C16orf87: variants seen among roughly 807,000 people sequenced by gnomAD.
C16orf87 encodes the protein HDAC and MIER1 interacting protein 1.
In C16orf87, 13 loss-of-function variants were observed where a neutral mutation model predicts 21.0. That is an observed-to-expected ratio of 0.62 (90% CI 0.40 to 0.98). C16orf87 has a LOEUF of 0.98. Among genes scored for constraint, C16orf87 ranks in the 50% least tolerant of loss-of-function variants. The pLI is 0.00. For missense variants in C16orf87, 113 were observed against 180.4 expected (o/e 0.63, Z 2.14); for synonymous variants, 49 against 60.2 (o/e 0.81, Z 0.86).
chr16:46,818,246 A>G (rs1959274910), intron 2 of C16orf87, among the ~76,000 whole-genome samples: 1 of 152,212 alleles, frequency 6.6e-6, no homozygotes, highest in Non-Finnish European at 1.5e-5. Flanking sequence ...AGAGTTGAGG[A>G]CCACTTATAC....
intron 2 of C16orf87, among the ~76,000 whole-genome samples, chr16:46,818,096 G>C (rs1471728326): frequency 1.3e-5 from 2 of 152,036 alleles, no homozygotes; most frequent in South Asian, 2.1e-4. Flanking sequence ...GGTTGATCTT[G>C]AACTCCTGAC....
chr16:46,801,537 A>G lies in C16orf87; in HGVS notation c.*1415T>C, dbSNP rs1366276500. On this transcript the variant is annotated 3_prime_UTR_variant, in exon 4 of 4. Coordinates refer to ENST00000285697, the MANE Select transcript of C16orf87 (RefSeq NM_001001436.4). ...TCTGTCTCCTAAATAAATAAATAAA[A>G]TGCATACAAAATAGTTGCAGTAGTA... The G allele has an allele frequency of 6.6e-6, 1 of 152,168 alleles. No homozygotes were observed. Among genetic ancestry groups the G allele is most frequent in the East Asian group, 1.9e-4 (1 of 5,202 alleles). 9.4% of individuals were successfully genotyped at this position (152,168 alleles called of 1,614,324 possible). A position where few individuals can be genotyped will look rare whatever the true frequency, so the allele number is the denominator to read the frequency against.
intron 2 of C16orf87, among the ~76,000 whole-genome samples, chr16:46,822,744 T>C (rs1213898886): frequency 6.6e-6 from 1 of 152,196 alleles, no homozygotes; most frequent in African/African-American, 2.4e-5. Context: ...ACTTCCATAT[T>C]TGTACCCCTA....
At chr16:46,817,766 G>A (rs1022035424) in intron 2 of C16orf87, among the ~76,000 whole-genome samples, 3 of 151,658 alleles carry the variant, frequency 2.0e-5, no homozygotes, top group East Asian at 1.9e-4. Flanking sequence ...ATAGCTGTAC[G>A]GCAGACCTAA....
chr16:46,810,995 A>C (rs1408705866), intron 2 of C16orf87, among the ~76,000 whole-genome samples: 1 of 152,240 alleles, frequency 6.6e-6, no homozygotes, highest in Non-Finnish European at 1.5e-5. Context: ...CATTACTTTG[A>C]AAACTTAAAT....
intron 1 of C16orf87, among the ~76,000 whole-genome samples, chr16:46,829,113 T>C (rs1034721003): frequency 6.6e-6 from 1 of 152,146 alleles, no homozygotes; most frequent in African/African-American, 2.4e-5. Context: ...AATTAAGTCA[T>C]GAGGGTGGGG....
At chr16:46,810,170 T>G (rs1460891844) in intron 2 of C16orf87, among the ~76,000 whole-genome samples, 1 of 152,186 alleles carries the variant, frequency 6.6e-6, no homozygotes. Context: ...GCCCTCTACC[T>G]GAGTTAAAGA....
At chr16:46,813,132 A>G (rs941310856) in intron 2 of C16orf87, among the ~76,000 whole-genome samples, 1 of 152,092 alleles carries the variant, frequency 6.6e-6, no homozygotes, top group Non-Finnish European at 1.5e-5. Context: ...ATGGCTCCAA[A>G]GTTTTCACCT....
At chr16:46,824,112 A>G (rs1213949852) in intron 2 of C16orf87, among the ~76,000 whole-genome samples, 1 of 152,222 alleles carries the variant, frequency 6.6e-6, no homozygotes, top group Non-Finnish European at 1.5e-5. Context: ...ATATCAGATC[A>G]GGTCACTCCC....
At chr16:46,814,832 T>G (rs565928414) in intron 2 of C16orf87, among the ~76,000 whole-genome samples, 1 of 152,228 alleles carries the variant, frequency 6.6e-6, no homozygotes, top group South Asian at 2.1e-4. Flanking sequence ...TGAAAGGAGA[T>G]TATCATTAAG....
At chr16:46,816,107 T>C (rs1256200674) in intron 2 of C16orf87, among the ~76,000 whole-genome samples, 3 of 152,208 alleles carry the variant, frequency 2.0e-5, no homozygotes, top group Admixed American at 6.5e-5. Context: ...TTGAGGACAC[T>C]GTGTTAAGTA....
At chr16:46,813,475 T>G (rs989424345) in intron 2 of C16orf87, among the ~76,000 whole-genome samples, 1 of 119,672 alleles carries the variant, frequency 8.4e-6, no homozygotes, top group African/African-American at 3.3e-5. Context: ...GCCAATATTA[T>G]CTTAAAAAAA....
In C16orf87 at chr16:46,799,969, A is replaced by G. The variant is rs1269369663; in HGVS notation, c.*2983T>C. 2 of 152,230 alleles carry G rather than the reference A, an allele frequency of 1.3e-5. No individual in the cohort carries two copies. Among genetic ancestry groups the G allele is most frequent in the Non-Finnish European group, 2.9e-5 (2 of 68,042 alleles). 9.4% of individuals were successfully genotyped at this position (152,230 alleles called of 1,614,324 possible). ...ATACTTTATATAAAAGTAAGTAAAG[A>G]GCTTAATTTTTCTAAATTTAAGACA... On this transcript the variant is annotated 3_prime_UTR_variant, in exon 4 of 4. Transcript: ENST00000285697.
At chr16:46,826,214 T>C (rs956896703) in intron 1 of C16orf87, among the ~76,000 whole-genome samples, 1 of 152,258 alleles carries the variant, frequency 6.6e-6, no homozygotes, top group Admixed American at 6.5e-5. Context: ...CTACTGAAAA[T>C]CATTGAAAAA....
intron 2 of C16orf87, among the ~76,000 whole-genome samples, chr16:46,815,701 A>C (rs568182763): frequency 6.6e-6 from 1 of 152,316 alleles, no homozygotes; most frequent in Non-Finnish European, 1.5e-5. Flanking sequence ...ATACCACTTC[A>C]TACTCTTCAG....
chr16:46,831,010 G>C (rs1225223846), intron 1 of C16orf87, 74 bp downstream of exon 1: 2 of 1,257,082 alleles, frequency 1.6e-6, no homozygotes, highest in Non-Finnish European at 2.2e-6. Context: ...CGGGAGCCCG[G>C]CGAGGCCCCC....
At chr16:46,826,551 C>A (rs1042896193) in intron 1 of C16orf87, among the ~76,000 whole-genome samples, 42 of 152,012 alleles carry the variant, frequency 2.8e-4, no homozygotes, top group Admixed American at 2.0e-3. Context: ...AAACATTGAA[C>A]AAAGGATCTC....
chr16:46,815,377 G>GA (rs71134503), intron 2 of C16orf87, among the ~76,000 whole-genome samples: 2,826 of 118,846 alleles, frequency 0.024, 31 homozygotes, highest in South Asian at 0.061. Flanking sequence ...AGCAATGAAA[G>GA]AAAAAAAAAA....
chr16:46,831,165 C>G lies in C16orf87; in HGVS notation c.-16G>C. 6.4e-7 allele frequency: 1 copy of G among 1,555,238 alleles called. No individual in the cohort carries two copies. ...TTGCAGACATGCTCCTCTCCCTTAG[C>G]GGCGGCAGCAGCGACGGCTCGGGCT... On this transcript the variant is annotated 5_prime_UTR_variant, in exon 1 of 4. Coordinates refer to ENST00000285697, the MANE Select transcript of C16orf87 (RefSeq NM_001001436.4).
Sources: gnomAD v4.1 joint callset for allele counts (sites outside exome capture counted in the v4.1 genomes callset) on GRCh38, gnomAD v4.1.1 for gene constraint, MANE v1.5 for transcripts, NCBI Gene and HGNC (gene_info 2026-07-23, HGNC 2026-07-21) for gene names.